The following CNTNAP2 variants were observed in gnomAD, a reference collection of about 807,000 sequenced individuals.
The protein encoded by CNTNAP2 is contactin associated protein 2.
Under a neutral mutation model 155.2 loss-of-function variants are expected in CNTNAP2, and 98 were observed. The ratio of observed to expected loss-of-function variants is 0.63; its 90% CI spans 0.54 to 0.75. The LOEUF is 0.75. Ranked by LOEUF, CNTNAP2 falls within the 30% of genes least tolerant of loss-of-function variation. The pLI is 0.00. For missense variants in CNTNAP2, 1,727 were observed against 1,688.1 expected (o/e 1.02, Z -0.40); for synonymous variants, 651 against 631.2 (o/e 1.03, Z -0.47).
chr7:146,934,125 T>G (rs1309307235), intron 3 of CNTNAP2, among the ~76,000 whole-genome samples: 1 of 151,968 alleles, frequency 6.6e-6, no homozygotes, highest in East Asian at 1.9e-4. Flanking sequence ...CATGCTGCTA[T>G]AAAGACACAT....
At chr7:147,104,087 T>C (rs1448702655) in intron 4 of CNTNAP2, among the ~76,000 whole-genome samples, 1 of 152,076 alleles carries the variant, frequency 6.6e-6, no homozygotes, top group East Asian at 1.9e-4. Flanking sequence ...CCACTTAAGT[T>C]AGTATTTTCA....
chr7:146,662,799 G>A (rs576313348), intron 1 of CNTNAP2, among the ~76,000 whole-genome samples: 1 of 152,212 alleles, frequency 6.6e-6, no homozygotes, highest in South Asian at 2.1e-4. Context: ...ATATGCATAT[G>A]TAATTGAACA....
chr7:147,716,810 T>C (rs1796487135), intron 13 of CNTNAP2, among the ~76,000 whole-genome samples: 1 of 152,202 alleles, frequency 6.6e-6, no homozygotes. Flanking sequence ...ATAATTTCTT[T>C]CTACATTCTG....
intron 22 of CNTNAP2, among the ~76,000 whole-genome samples, chr7:148,387,139 T>C (rs1357586610): frequency 6.6e-6 from 1 of 152,116 alleles, no homozygotes; most frequent in Admixed American, 6.5e-5. Flanking sequence ...TTTTGTCAGA[T>C]AAAGGAAGCA....
intron 1 of CNTNAP2, among the ~76,000 whole-genome samples, chr7:146,184,364 G>T (rs572086414): frequency 1.3e-5 from 2 of 152,258 alleles, no homozygotes; most frequent in East Asian, 3.9e-4. Flanking sequence ...ATGAGATAGT[G>T]TGGAACATAA....
chr7:147,997,028 G>A (rs368254379), intron 15 of CNTNAP2, among the ~76,000 whole-genome samples: 13 of 152,306 alleles, frequency 8.5e-5, no homozygotes, highest in East Asian at 1.9e-4. Context: ...TTTCTGCCAT[G>A]AGAGACTTCA....
intron 10 of CNTNAP2, among the ~76,000 whole-genome samples, chr7:147,414,941 C>CAAAAAAAAAAAAAAAAAAA (rs67048724): frequency 1.0e-3 from 53 of 50,844 alleles, no homozygotes; most frequent in Non-Finnish European, 1.4e-3. Context: ...GACTCCTTCT[C>CAAAAAAAAAAAAAAAAAAA]AAAAAAAAAA....
chr7:146,729,049 A>C (rs933118989), intron 1 of CNTNAP2, among the ~76,000 whole-genome samples: 3 of 152,230 alleles, frequency 2.0e-5, no homozygotes, highest in Non-Finnish European at 4.4e-5. Context: ...TCCATTATGA[A>C]GTAGAAAATT....
At chr7:147,899,569 C>T (rs1421403792) in intron 13 of CNTNAP2, among the ~76,000 whole-genome samples, 1 of 152,054 alleles carries the variant, frequency 6.6e-6, no homozygotes, top group East Asian at 1.9e-4. Flanking sequence ...TTCTCATATG[C>T]TAAAGTCATA....
At chr7:147,609,386 C>T (rs894470074) in intron 12 of CNTNAP2, among the ~76,000 whole-genome samples, 20 of 152,198 alleles carry the variant, frequency 1.3e-4, no homozygotes, top group African/African-American at 4.8e-4. Context: ...AAAAAATTAG[C>T]CAGGCATGGT....
intron 13 of CNTNAP2, among the ~76,000 whole-genome samples, chr7:147,756,244 G>A (rs1415673514): frequency 6.6e-6 from 1 of 152,120 alleles, no homozygotes; most frequent in African/African-American, 2.4e-5. Flanking sequence ...CTAAACATAT[G>A]GAATTCTTTT....
intron 9 of CNTNAP2, among the ~76,000 whole-genome samples, chr7:147,313,783 T>A (rs1311580923): frequency 2.0e-5 from 3 of 152,120 alleles, no homozygotes; most frequent in African/African-American, 7.2e-5. Flanking sequence ...AAAGTAGTTT[T>A]TTCCCATTCT....
chr7:146,498,349 C>T (rs140434676), intron 1 of CNTNAP2, among the ~76,000 whole-genome samples: 144 of 152,248 alleles, frequency 9.5e-4, no homozygotes, highest in African/African-American at 3.4e-3. Flanking sequence ...TTTCCTCCAC[C>T]ATAAGCCTGC....
At chr7:146,817,808 C>T (rs891417212) in intron 2 of CNTNAP2, among the ~76,000 whole-genome samples, 4 of 152,108 alleles carry the variant, frequency 2.6e-5, no homozygotes, top group African/African-American at 7.2e-5. Context: ...TCTCACCAGG[C>T]TTCACCTCCA....
chr7:148,408,679 A>C (rs746672191), intron 22 of CNTNAP2, among the ~76,000 whole-genome samples: 2 of 152,214 alleles, frequency 1.3e-5, no homozygotes, highest in Non-Finnish European at 2.9e-5. Flanking sequence ...ATTGTTTCTG[A>C]AGTTGGATTA....
rs79008522 is a variant in CNTNAP2, at chr7:147,350,715, A to G, written c.1499-44894A>G. On this transcript the variant is annotated intron_variant, in intron 9 of 23. Coordinates refer to ENST00000361727, the MANE Select transcript of CNTNAP2 (RefSeq NM_014141.6). ...ATGCATTCAGTAGAGAAAACAATATACTGCAGACATCAGACTTAAACAAAA... is the reference window on the plus strand; with the variant it reads ...ATGCATTCAGTAGAGAAAACAATATGCTGCAGACATCAGACTTAAACAAAA... Among the ~76,000 whole-genome samples the G allele has an allele frequency of 6.5e-3, 992 of 151,980 alleles. 10 individuals carry two copies. Among genetic ancestry groups the G allele is most frequent in the Non-Finnish European group, 8.8e-3 (595 of 67,816 alleles).
intron 3 of CNTNAP2, among the ~76,000 whole-genome samples, chr7:147,041,921 G>A (rs1799266610): frequency 6.6e-6 from 1 of 152,120 alleles, no homozygotes; most frequent in African/African-American, 2.4e-5. Context: ...GATTCTAATT[G>A]TTCTTGCATT....
intron 1 of CNTNAP2, among the ~76,000 whole-genome samples, chr7:146,179,844 A>C (rs1178255640): frequency 6.6e-6 from 1 of 152,188 alleles, no homozygotes; most frequent in East Asian, 1.9e-4. Context: ...TTTTGGTATA[A>C]ATGTTGACGA....
intron 8 of CNTNAP2, among the ~76,000 whole-genome samples, chr7:147,221,647 A>G (rs955862263): frequency 3.3e-5 from 5 of 152,148 alleles, no homozygotes; most frequent in Admixed American, 2.6e-4. Context: ...TTAAGAAAAA[A>G]TTTTAATTTT....
Sources: allele counts gnomAD v4.1 joint callset (sites outside exome capture counted in the v4.1 genomes callset), GRCh38; gene constraint gnomAD v4.1.1; transcripts MANE v1.5; gene names NCBI Gene and HGNC (gene_info 2026-07-23, HGNC 2026-07-21).